Variants in DNASE1 observed in about 807,000 individuals in gnomAD.
DNASE1 encodes the protein deoxyribonuclease-1.
In DNASE1, 40 loss-of-function variants were observed where a neutral mutation model predicts 33.9. The observed-to-expected ratio is 1.18, with a 90% CI of 0.92 to 1.54. The LOEUF (loss-of-function observed/expected upper bound fraction) is 1.54. Among genes scored for constraint, DNASE1 ranks in the 40% most tolerant of loss-of-function variants. The probability of loss-of-function intolerance (pLI) is 0.00; values close to 1 mark genes in which losing one functional copy is unlikely to be tolerated. For synonymous variants in DNASE1, 216 were observed against 160.0 expected (o/e 1.35, Z -2.64); for missense variants, 518 against 372.6 (o/e 1.39, Z -3.21).
upstream of DNASE1, chr16:3,653,849 T>C (rs1279018001): frequency 8.8e-6 from 1 of 114,276 alleles, no homozygotes. Flanking sequence ...AAACTGAGCA[T>C]GGTAGCATGC....
chr16:3,655,141 T>TC (rs2042510008), intron 1 of DNASE1, 97 bp downstream of exon 1: 1 of 611,892 alleles, frequency 1.6e-6, no homozygotes, highest in Admixed American at 2.9e-5. Flanking sequence ...AGGCGGAGGC[T>TC]CCAGCGTCCC....
At chr16:3,637,905 C>T (rs2041918158) in intron 1 of DNASE1, among the ~76,000 whole-genome samples, 1 of 152,116 alleles carries the variant, frequency 6.6e-6, no homozygotes, top group Admixed American at 6.5e-5. Context: ...GTGTCGGGGG[C>T]AGTCATTTGC....
At chr16:3,638,320 C>A (rs540050811), upstream of DNASE1, among the ~76,000 whole-genome samples, 4 of 152,128 alleles carry the variant, frequency 2.6e-5, no homozygotes, top group African/African-American at 9.6e-5. Context: ...GTGCAGTCTT[C>A]TTCAGGTTTA....
intron 1 of DNASE1, among the ~76,000 whole-genome samples, chr16:3,634,441 G>A (rs1170522009): frequency 6.6e-6 from 1 of 151,512 alleles, no homozygotes; most frequent in Non-Finnish European, 1.5e-5. Flanking sequence ...TATTAGCCAG[G>A]CTGGTCTCGA....
rs1325124069 is a variant in DNASE1 at position 3,654,994 on chromosome 16, A to C, written c.-52A>C. 1.2e-5 allele frequency: 6 copies of C among 483,432 alleles called. No homozygotes were observed. The highest frequency in any genetic ancestry group is 7.9e-5 in the African/African-American group (4 of 50,844). The allele number at this position is 483,432 out of a possible 1,614,324, so 29.9% of individuals were successfully genotyped here. On this transcript the variant is annotated 5_prime_UTR_variant, in exon 1 of 9. Coordinates refer to ENST00000246949, the MANE Select transcript of DNASE1 (RefSeq NM_005223.4). ...GAAAATTGTCATCAAAGGATATTCC[A>C]GATTCTTGACAGCATTCTCGTCATC...
In DNASE1 at chr16:3,633,839, C is replaced by T. The variant is rs181441756; in HGVS notation, c.-1358-6876C>T. Reference sequence around the variant, plus strand: ...TTATTATTTTTTTAAGACCGAGTCTCGCTCTGTCGCCCAGGCTGAAGTGCG... The same window carrying T: ...TTATTATTTTTTTAAGACCGAGTCTTGCTCTGTCGCCCAGGCTGAAGTGCG... On this transcript the variant is annotated intron_variant and NMD_transcript_variant, in intron 1 of 11. Transcript: ENST00000570769. 6.0e-3 allele frequency among the ~76,000 whole-genome samples: 918 copies of T among 152,162 alleles called. 8 individuals carry two copies. The highest frequency in any genetic ancestry group is 0.02 in the African/African-American group (840 of 41,514).
chr16:3,631,700 T>A (rs973469700), intron 1 of DNASE1, among the ~76,000 whole-genome samples: 3 of 151,380 alleles, frequency 2.0e-5, no homozygotes, highest in African/African-American at 4.9e-5. Context: ...TTTTTGTGTT[T>A]TTAGTAGAGA....
At chr16:3,661,262 G>T (rs756826063), downstream of DNASE1, 1 of 152,028 alleles carries the variant, frequency 6.6e-6, no homozygotes, top group African/African-American at 2.4e-5. Flanking sequence ...ACTGTAAAAA[G>T]AAAGAAACTC....
exon 10 of DNASE1, chr16:3,663,683 C>T (rs1051026339): frequency 1.1e-5 from 14 of 1,295,484 alleles, no homozygotes; most frequent in Non-Finnish European, 5.3e-6. Context: ...AACACCGGGG[C>T]AGTTGGGGTT....
At chr16:3,624,375 A>AT (rs2041431491) in intron 1 of DNASE1, among the ~76,000 whole-genome samples, 1 of 150,928 alleles carries the variant, frequency 6.6e-6, no homozygotes, top group Non-Finnish European at 1.5e-5. Context: ...TAGAGTTTTT[A>AT]TTTTTACATT....
chr16:3,662,860 T>G, downstream of DNASE1: 1 of 1,612,392 alleles, frequency 6.2e-7, no homozygotes, highest in Non-Finnish European at 8.5e-7. Flanking sequence ...CAAGTGGTGG[T>G]CCATCCCCGG....
chr16:3,638,592 C>T (rs2041944192), upstream of DNASE1, among the ~76,000 whole-genome samples: 2 of 152,330 alleles, frequency 1.3e-5, no homozygotes, highest in Admixed American at 1.3e-4. Flanking sequence ...CCTGCCTCGG[C>T]CTCCCAAAGT....
intron 4 of DNASE1, 94 bp from the exon 5 acceptor site, chr16:3,656,544 C>G (rs543636585): frequency 2.9e-6 from 3 of 1,019,368 alleles, no homozygotes; most frequent in South Asian, 2.7e-5. Context: ...CCCCCGCCCT[C>G]CTGTCGCCTG....
intron 1 of DNASE1, among the ~76,000 whole-genome samples, chr16:3,614,204 G>T (rs773845416): frequency 6.6e-6 from 1 of 151,768 alleles, no homozygotes; most frequent in Non-Finnish European, 1.5e-5. Context: ...GAGCCACCGC[G>T]CCCGGCGTAA....
chr16:3,662,944 CCTT>C (rs754046199), downstream of DNASE1: 6 of 1,612,230 alleles, frequency 3.7e-6, no homozygotes, highest in East Asian at 2.2e-5. Context: ...TCCTCCGTCT[CCTT>C]CTCTGATAGG....
At chr16:3,642,150 C>G (rs1029791887), upstream of DNASE1, among the ~76,000 whole-genome samples, 18 of 152,206 alleles carry the variant, frequency 1.2e-4, no homozygotes, top group African/African-American at 3.4e-4. Flanking sequence ...GTCAGCCCCT[C>G]AGGATCTGTT....
downstream of DNASE1, chr16:3,663,043 C>T (rs556212865): frequency 2.0e-5 from 23 of 1,165,814 alleles, no homozygotes; most frequent in East Asian, 5.1e-4. Flanking sequence ...ACGCAGCATG[C>T]TTCCAGCTCC....
upstream of DNASE1, among the ~76,000 whole-genome samples, chr16:3,649,714 G>A (rs542439775): frequency 2.6e-5 from 4 of 152,164 alleles, no homozygotes; most frequent in Non-Finnish European, 5.9e-5. Flanking sequence ...TAGTGGTGCC[G>A]GAGGAGACAG....
upstream of DNASE1, among the ~76,000 whole-genome samples, chr16:3,638,139 GTT>G (rs1491122775): frequency 6.1e-5 from 9 of 146,926 alleles, no homozygotes; most frequent in East Asian, 2.0e-4. Context: ...GTGTGTGTGT[GTT>G]TTTCCCAGTA....
Sources: gnomAD v4.1 joint callset for allele counts (sites outside exome capture counted in the v4.1 genomes callset) on GRCh38, gnomAD v4.1.1 for gene constraint, MANE v1.5 for transcripts, NCBI Gene and HGNC (gene_info 2026-07-23, HGNC 2026-07-21) for gene names.